The following LIFR variants were observed in gnomAD, a reference collection of about 807,000 sequenced individuals.
The protein encoded by LIFR is leukemia inhibitory factor receptor.
A neutral mutation model predicts 122.2 loss-of-function variants in LIFR; 84 were observed. The ratio of observed to expected loss-of-function variants is 0.69; its 90% CI spans 0.58 to 0.82. The LOEUF is 0.82. Ranked by LOEUF, LIFR falls within the 40% of genes least tolerant of loss-of-function variation. The pLI, the probability that LIFR is intolerant of heterozygous loss-of-function variation, is 0.00. For synonymous variants in LIFR, 422 were observed against 434.7 expected, an observed-to-expected ratio of 0.97 and a Z score of 0.36; for missense variants, 1,294 against 1,311.6, an observed-to-expected ratio of 0.99 and a Z score of 0.21.
At position 38,505,931 on chromosome 5, in the gene LIFR, G is replaced by A. The variant is rs2112471039; in HGVS notation, c.1265C>T (p.Thr422Ile). The A allele has an allele frequency of 2.5e-6, 4 of 1,608,230 alleles. No homozygotes were observed. The highest frequency in any genetic ancestry group is 3.4e-6 in the Non-Finnish European group (4 of 1,177,014). ...AHNPLGRSQS[T>I]ILVNITEKVY... ...TTTTTCAGTTATATTAACTAAAATT[G>A]TTGATTGTGATCGACCCAGCGGATT... The change falls in exon 9 of 20, where the codon ACA (threonine) becomes ATA (isoleucine). Residue 422 changes from threonine (T) to isoleucine (I), a missense_variant. Coordinates refer to ENST00000453190, the MANE Select transcript of LIFR (RefSeq NM_001127671.2).
intron 1 of LIFR, among the ~76,000 whole-genome samples, chr5:38,531,253 C>T (rs1172881145): frequency 7.2e-5 from 11 of 152,198 alleles, no homozygotes; most frequent in Admixed American, 7.2e-4. Context: ...CACCCTTCAT[C>T]CTTTCTTCCT....
chr5:38,569,874 C>G (rs1749154208), intron 1 of LIFR, among the ~76,000 whole-genome samples: 1 of 152,106 alleles, frequency 6.6e-6, no homozygotes, highest in Non-Finnish European at 1.5e-5. Context: ...GAGTATGTTG[C>G]TTATTTGTTA....
In LIFR at chr5:38,481,733, A is replaced by G; in HGVS notation, c.3156T>C (p.Ser1052=). ...ATGGACTTCCAAATGAGACAATCTCACTGTTGCTGTCTATGGATCTAGGAG... is the reference window on the plus strand; with the variant it reads ...ATGGACTTCCAAATGAGACAATCTCGCTGTTGCTGTCTATGGATCTAGGAG... The part of the protein sequence containing the change: ...PDSPRSIDSN[S]EIVSFGSPCS... The change falls in exon 20 of 20, where the codon AGT becomes AGC. Residue 1052 remains serine, a synonymous_variant. Transcript: ENST00000453190. 6.2e-7 allele frequency: 1 copy of G among 1,614,110 alleles called. No homozygotes were observed. The highest frequency in any genetic ancestry group is 8.5e-7 in the Non-Finnish European group (1 of 1,179,984).
intron 1 of LIFR, among the ~76,000 whole-genome samples, chr5:38,551,913 A>G (rs1018595338): frequency 9.2e-5 from 14 of 152,242 alleles, no homozygotes; most frequent in African/African-American, 2.9e-4. Context: ...ACAAATTTGC[A>G]ATTCCCATAT....
intron 2 of LIFR, among the ~76,000 whole-genome samples, chr5:38,601,288 G>A (rs116440505): frequency 6.7e-4 from 102 of 152,312 alleles, no homozygotes; most frequent in African/African-American, 2.2e-3. Flanking sequence ...CTTATCTGCT[G>A]ACACCTTGAT....
chr5:38,531,489 A>C (rs1172185404), intron 1 of LIFR, among the ~76,000 whole-genome samples: 2 of 151,952 alleles, frequency 1.3e-5, no homozygotes, highest in Non-Finnish European at 2.9e-5. Context: ...ACTTAAAAGA[A>C]AAAAAAAGAA....
At chr5:38,507,563 C>CAA (rs35427960) in intron 7 of LIFR, among the ~76,000 whole-genome samples, 2,474 of 110,320 alleles carry the variant, frequency 0.022, 87 homozygotes, top group African/African-American at 0.072. Flanking sequence ...TACTCCGTCT[C>CAA]AAAAAAAAAA....
intron 1 of LIFR, among the ~76,000 whole-genome samples, chr5:38,531,120 T>C (rs774835909): frequency 2.0e-5 from 3 of 152,240 alleles, no homozygotes; most frequent in African/African-American, 4.8e-5. Flanking sequence ...CCCATTTACA[T>C]GGTGTTGGAA....
intron 17 of LIFR, chr5:38,485,574 C>T (rs945192837): frequency 7.1e-6 from 4 of 564,238 alleles, no homozygotes; most frequent in African/African-American, 1.9e-5. Flanking sequence ...GACCTCTAGA[C>T]TTCAGATGTA....
In LIFR at chr5:38,477,243, T is replaced by C. The variant is rs924895405; in HGVS notation, c.*4352A>G. ...AGCCCTGGTACATAATCCATAAAGATAAAAACGAACCAAATTCAAGCCAAG... is the reference window on the plus strand; with the variant it reads ...AGCCCTGGTACATAATCCATAAAGACAAAAACGAACCAAATTCAAGCCAAG... On this transcript the variant is annotated 3_prime_UTR_variant, in exon 20 of 20. Coordinates refer to ENST00000453190, the MANE Select transcript of LIFR (RefSeq NM_001127671.2). 4.5e-6 allele frequency: 1 copy of C among 219,968 alleles called. No individual in the cohort carries two copies. Among genetic ancestry groups the C allele is most frequent in the East Asian group, 6.8e-5 (1 of 14,786 alleles). The allele number at this position is 219,968 out of a possible 1,614,324, so 13.6% of individuals were successfully genotyped here. A position where few individuals can be genotyped will look rare whatever the true frequency, so the allele number is the denominator to read the frequency against.
rs570914675 is a variant in LIFR, at chr5:38,594,281, G to A, written c.-20+980C>T. ...GTTGTCAGGGCCTGGAGAAGGCAGG[G>A]AAGAAAAGAAGGATGAACAGATGGA... On this transcript the variant is annotated intron_variant, in intron 1 of 19. Coordinates refer to the LIFR transcript ENST00000263409. Among the ~76,000 whole-genome samples the A allele has an allele frequency of 7.2e-5, 11 of 152,254 alleles. No individual in the cohort carries two copies. The South Asian group carries it at 2.3e-3, about 32-fold the overall frequency.
intron 4 of LIFR, among the ~76,000 whole-genome samples, chr5:38,525,243 T>C (rs1300740760): frequency 6.6e-6 from 1 of 152,188 alleles, no homozygotes; most frequent in Admixed American, 6.5e-5. Flanking sequence ...CTTTCTGGTT[T>C]GAGAATCAGA....
At chr5:38,593,322 A>C (rs973923344) in intron 1 of LIFR, among the ~76,000 whole-genome samples, 11 of 152,292 alleles carry the variant, frequency 7.2e-5, no homozygotes, top group African/African-American at 2.6e-4. Flanking sequence ...AGAATGGGGA[A>C]TCTGGCATAG....
intron 14 of LIFR, among the ~76,000 whole-genome samples, chr5:38,491,362 C>G (rs1744582654): frequency 6.6e-6 from 1 of 152,106 alleles, no homozygotes; most frequent in African/African-American, 2.4e-5. Flanking sequence ...CAAGGGTAAC[C>G]ATAACAGTGT....
intron 4 of LIFR, 46 bp downstream of exon 4, chr5:38,527,109 T>G: frequency 1.3e-6 from 2 of 1,519,664 alleles, no homozygotes; most frequent in Non-Finnish European, 1.8e-6. Context: ...TACTAACAAG[T>G]GACACTTGAC....
intron 9 of LIFR, among the ~76,000 whole-genome samples, chr5:38,504,415 C>CAAAAAAAAAAAAAAAAAAAAAAAAAAAA (rs71604899): frequency 9.1e-5 from 11 of 120,358 alleles, no homozygotes; most frequent in Admixed American, 1.8e-4. Flanking sequence ...AGGGAATGAC[C>CAAAAAAAAAAAAAAAAAAAAAAAAAAAA]AAAAAAAAAA....
intron 7 of LIFR, among the ~76,000 whole-genome samples, chr5:38,509,708 A>T (rs2112486767): frequency 6.6e-6 from 1 of 152,352 alleles, no homozygotes; most frequent in East Asian, 1.9e-4. Flanking sequence ...GGACTCACTG[A>T]TAAAGATGAA....
In LIFR at chr5:38,481,476, T is replaced by C. The variant is rs1329385837; in HGVS notation, c.*119A>G. The C allele has an allele frequency of 4.5e-6, 5 of 1,099,712 alleles. No individual in the cohort carries two copies. Among genetic ancestry groups the C allele is most frequent in the Non-Finnish European group, 7.0e-6 (5 of 715,066 alleles). 68.1% of individuals were successfully genotyped at this position (1,099,712 alleles called of 1,614,324 possible). A position where few individuals can be genotyped will look rare whatever the true frequency, so the allele number is the denominator to read the frequency against. ...ACTTTCAGTGTAACTTAACATGTAG[T>C]GAAGTTCACCTCCTAACAATACTTC... On this transcript the variant is annotated 3_prime_UTR_variant, in exon 20 of 20. Coordinates refer to ENST00000453190, the MANE Select transcript of LIFR (RefSeq NM_001127671.2).
At chr5:38,539,279 T>C (rs1023142076) in intron 1 of LIFR, among the ~76,000 whole-genome samples, 1 of 152,150 alleles carries the variant, frequency 6.6e-6, no homozygotes, top group Non-Finnish European at 1.5e-5. Flanking sequence ...GACCACTATG[T>C]CCAACCAGAC....
Sources: gnomAD v4.1 joint callset for allele counts (sites outside exome capture counted in the v4.1 genomes callset) on GRCh38, gnomAD v4.1.1 for gene constraint, MANE v1.5 for transcripts, NCBI Gene and HGNC (gene_info 2026-07-23, HGNC 2026-07-21) for gene names.